Variants in INPP5K observed in about 807,000 individuals in gnomAD.
INPP5K encodes the protein inositol polyphosphate-5-phosphatase K.
In INPP5K, 35 loss-of-function variants were observed where a neutral mutation model predicts 53.5. The ratio of observed to expected loss-of-function variants is 0.65; its 90% CI spans 0.50 to 0.87. INPP5K has a LOEUF of 0.87. Among genes scored for constraint, INPP5K ranks in the 40% least tolerant of loss-of-function variants. The pLI is 0.00. For missense variants in INPP5K, 550 were observed against 586.2 expected (o/e 0.94, Z 0.64); for synonymous variants, 253 against 232.8 (o/e 1.09, Z -0.79).
intron 7 of INPP5K, among the ~76,000 whole-genome samples, chr17:1,506,632 C>G (rs1197190517): frequency 2.0e-5 from 3 of 152,182 alleles, no homozygotes; most frequent in African/African-American, 7.2e-5. Flanking sequence ...AGCTTTCTGC[C>G]CCGTTTGGGG....
intron 7 of INPP5K, among the ~76,000 whole-genome samples, chr17:1,502,561 C>T (rs78479853): frequency 0.048 from 7,214 of 149,930 alleles, 222 homozygotes; most frequent in Non-Finnish European, 0.073. Context: ...TTCCTTGCCA[C>T]GGCCAGGCTG....
chr17:1,515,823 T>C, intron 1 of INPP5K: 1 of 828,260 alleles, frequency 1.2e-6, no homozygotes, highest in Non-Finnish European at 1.5e-6. Flanking sequence ...GATCTCCCCC[T>C]GCTGTCCGAC....
At chr17:1,503,678 A>G (rs1206247826) in intron 7 of INPP5K, among the ~76,000 whole-genome samples, 1 of 152,042 alleles carries the variant, frequency 6.6e-6, no homozygotes, top group African/African-American at 2.4e-5. Context: ...AGATCATGCC[A>G]TTGCACTCCA....
chr17:1,505,794 G>GAGAC (rs1409291554), intron 7 of INPP5K, among the ~76,000 whole-genome samples: 1 of 152,046 alleles, frequency 6.6e-6, no homozygotes, highest in East Asian at 1.9e-4. Flanking sequence ...CTCCCTCACA[G>GAGAC]AGACACTCCA....
At position 1,513,958 on chromosome 17, in the gene INPP5K, G is replaced by A. The variant is rs1019327440; in HGVS notation, c.66C>T (p.Asn22=). The change falls in exon 2 of 12, where the codon AAC becomes AAT. Residue 22 remains asparagine, a synonymous_variant. Coordinates refer to ENST00000421807, the MANE Select transcript of INPP5K (RefSeq NM_016532.4). The part of the protein sequence containing the change: ...RRLSIHVVTW[N]VASAAPPLDL... Reference sequence around the variant, plus strand: ...CTAGAGGGGGCGCTGCCGAAGCCACGTTCCAAGTCACGACGTGTATGCTGC... The same window carrying A: ...CTAGAGGGGGCGCTGCCGAAGCCACATTCCAAGTCACGACGTGTATGCTGC... 23 of 1,612,236 alleles carry A rather than the reference G, an allele frequency of 1.4e-5. No homozygotes were observed. Among genetic ancestry groups the A allele is most frequent in the South Asian group, 2.2e-5 (2 of 90,876 alleles).
intron 3 of INPP5K, among the ~76,000 whole-genome samples, chr17:1,510,002 T>C (rs2075269707): frequency 6.6e-6 from 1 of 152,240 alleles, no homozygotes; most frequent in Non-Finnish European, 1.5e-5. Context: ...TTCTGGGGGC[T>C]GAGGTTTTCG....
rs767297718 is a variant in INPP5K at position 1,512,189 on chromosome 17, G to A, written c.261+1264C>T. ...AGGCCACATGGGTAGAAAGGGCTGTGTCTCTGCCACAAGTTGAGCTAATTT... is the reference window on the plus strand; with the variant it reads ...AGGCCACATGGGTAGAAAGGGCTGTATCTCTGCCACAAGTTGAGCTAATTT... On this transcript the variant is annotated intron_variant, in intron 3 of 11. Coordinates refer to ENST00000421807, the MANE Select transcript of INPP5K (RefSeq NM_016532.4). Among the ~76,000 whole-genome samples the A allele has an allele frequency of 8.5e-5, 13 of 152,332 alleles. No individual in the cohort carries two copies. The South Asian group carries it at 1.0e-3, about 12-fold the overall frequency.
intron 4 of INPP5K, 39 bp from the exon 5 acceptor site, chr17:1,509,392 G>C (rs767459689): frequency 6.3e-7 from 1 of 1,581,798 alleles, no homozygotes; most frequent in South Asian, 1.1e-5. Flanking sequence ...GAAGCTACTC[G>C]GGTTGGACAC....
chr17:1,500,768 CTGT>C (rs2150981599), intron 7 of INPP5K, among the ~76,000 whole-genome samples: 1 of 152,260 alleles, frequency 6.6e-6, no homozygotes, highest in South Asian at 2.1e-4. Flanking sequence ...AAGGACTTAG[CTGT>C]TGGAGTGTCC....
At chr17:1,515,373 A>T (rs2075410124) in intron 1 of INPP5K, 1 of 946,306 alleles carries the variant, frequency 1.1e-6, no homozygotes, top group East Asian at 1.2e-4. Context: ...AAAACTAGAT[A>T]AGGGGCCTCA....
At chr17:1,511,162 C>A (rs531929360) in intron 3 of INPP5K, among the ~76,000 whole-genome samples, 2 of 152,302 alleles carry the variant, frequency 1.3e-5, no homozygotes, top group African/African-American at 4.8e-5. Flanking sequence ...GGGAGAATAG[C>A]TAACATCTGC....
chr17:1,506,815 C>T (rs547532399), intron 7 of INPP5K, among the ~76,000 whole-genome samples, 165 bp downstream of exon 7: 1 of 152,200 alleles, frequency 6.6e-6, no homozygotes, highest in South Asian at 2.1e-4. Flanking sequence ...GGACGGCTCC[C>T]CGAGTCAGCG....
intron 2 of INPP5K, 121 bp from the exon 3 acceptor site, chr17:1,513,682 T>G: frequency 1.0e-6 from 1 of 959,218 alleles, no homozygotes. Flanking sequence ...GAGGTCTCCC[T>G]CCCCTGCCTG....
chr17:1,516,392 C>T (rs1002955948), intron 1 of INPP5K, 64 bp downstream of exon 1: 22 of 1,514,042 alleles, frequency 1.5e-5, no homozygotes, highest in Non-Finnish European at 2.0e-5. Flanking sequence ...CCACCCCCAG[C>T]CCGCAGCCCA....
At chr17:1,498,377 T>C (rs952540690) in intron 7 of INPP5K, among the ~76,000 whole-genome samples, 4 of 152,154 alleles carry the variant, frequency 2.6e-5, no homozygotes, top group African/African-American at 7.2e-5. Flanking sequence ...ATGGATCAAA[T>C]TGTGACTCAG....
In INPP5K at chr17:1,513,470, G is replaced by C. The variant is rs750730645; in HGVS notation, c.244C>G (p.Pro82Ala). 8.1e-6 allele frequency: 13 copies of C among 1,614,120 alleles called. No homozygotes were observed. The highest frequency in any genetic ancestry group is 1.1e-5 in the Non-Finnish European group (13 of 1,179,968). ...CAAGTTACCTTGATGAAGCTCAGAG[G>C]GGAAAGCACATCCATGAGGAAACTG... ...WSSFLMDVLS[P>A]LSFIKVSHVR... Residue 82 changes from proline (P) to alanine (A), a missense_variant, in exon 3 of 12, where the codon CCT (proline) becomes GCT (alanine). By Grantham distance (27) the Pro-to-Ala change is conservative (BLOSUM62 -1). Coordinates refer to ENST00000421807, the MANE Select transcript of INPP5K (RefSeq NM_016532.4).
In INPP5K at chr17:1,509,362, A is replaced by G. The variant is rs201643393; in HGVS notation, c.379-9T>C. Reference sequence around the variant, plus strand: ...ACTCCACCTTTGTTCCCCTGGTAGAACAGGTCAACAGAAGAGTGGGAAGCT... The same window carrying G: ...ACTCCACCTTTGTTCCCCTGGTAGAGCAGGTCAACAGAAGAGTGGGAAGCT... On this transcript the variant is annotated splice_polypyrimidine_tract_variant and intron_variant, in intron 4 of 11. Coordinates refer to ENST00000421807, the MANE Select transcript of INPP5K (RefSeq NM_016532.4). 16 of 1,609,824 alleles carry G rather than the reference A, an allele frequency of 9.9e-6. No homozygotes were observed. The highest frequency in any genetic ancestry group is 1.4e-5 in the Non-Finnish European group (16 of 1,177,220).
chr17:1,509,585 A>G (rs2075258284), intron 4 of INPP5K, 98 bp downstream of exon 4: 8 of 958,622 alleles, frequency 8.3e-6, no homozygotes, highest in Non-Finnish European at 1.4e-5. Context: ...TGGGCTGGAC[A>G]GAGGACCAAG....
intron 1 of INPP5K, chr17:1,515,708 C>T: frequency 6.5e-6 from 5 of 765,532 alleles, no homozygotes; most frequent in Non-Finnish European, 6.4e-6. Context: ...AAATTCTTGG[C>T]CAGTTTAAAG....
Sources: allele counts gnomAD v4.1 joint callset (sites outside exome capture counted in the v4.1 genomes callset), GRCh38; gene constraint gnomAD v4.1.1; transcripts MANE v1.5; gene names NCBI Gene and HGNC (gene_info 2026-07-23, HGNC 2026-07-21).